The following HYI variants were observed in gnomAD, a reference collection of about 807,000 sequenced individuals.
HYI encodes hydroxypyruvate isomerase (putative).
In HYI, 47 loss-of-function variants were observed where a neutral mutation model predicts 39.7. The ratio of observed to expected loss-of-function variants is 1.18; its 90% CI spans 0.94 to 1.51. The LOEUF (loss-of-function observed/expected upper bound fraction) is 1.51, where lower values mean the gene tolerates loss of function less well. Ranked by LOEUF, HYI falls within the 40% of genes most tolerant of loss-of-function variation. The pLI is 0.00. For missense variants in HYI, 465 were observed against 370.3 expected, an observed-to-expected ratio of 1.26 and a Z score of -2.10; for synonymous variants, 186 against 158.8, an observed-to-expected ratio of 1.17 and a Z score of -1.29.
In HYI at chr1:43,453,834, AGGCGGCGGGCGGCG is replaced by A. The variant is rs534101178; in HGVS notation, c.-55_-42del. The A allele has an allele frequency of 4.1e-4, 485 of 1,194,608 alleles. No homozygotes were observed. The highest frequency in any genetic ancestry group is 1.7e-3 in the African/African-American group (107 of 62,034). The allele number at this position is 1,194,608 out of a possible 1,614,324, so 74.0% of individuals were successfully genotyped here. On this transcript the variant is annotated 5_prime_UTR_variant, in exon 1 of 8. Coordinates refer to ENST00000372430, the MANE Select transcript of HYI (RefSeq NM_001190880.3). ...GCCGGGCGGAGTCCGCGGGATCCAA[AGGCGGCGGGCGGCG>A]GGCGGCGGGCGGCGGGCGGGGGCGG...
At chr1:43,451,769 C>T (rs375073962) in intron 5 of HYI, 29 bp downstream of exon 5, 212 of 1,613,824 alleles carry the variant, frequency 1.3e-4, no homozygotes, top group Admixed American at 2.5e-4. Context: ...GCCCTCCTTC[C>T]GATCTGCGAA....
At chr1:43,453,301 G>C (rs1450315917) in intron 2 of HYI, 85 bp downstream of exon 2, 1 of 867,700 alleles carries the variant, frequency 1.2e-6, no homozygotes, top group African/African-American at 1.7e-5. Flanking sequence ...AGACTTCTGA[G>C]CGTCTCAGAT....
At position 43,452,270 on chromosome 1, in the gene HYI, C is replaced by G. The variant is rs1327850051; in HGVS notation, c.361G>C (p.Val121Leu). ...RVPQGADRIA[V>L]KAEMEAVFLE... ...AAAACGGCCTCCATCTCAGCCTTGA[C>G]TGCTATTCGATCAGCTCCCTGGGGT... The change falls in exon 3 of 8, where the codon GTC becomes CTC. Residue 121 changes from valine to leucine, a missense_variant. Coordinates refer to ENST00000372430, the MANE Select transcript of HYI (RefSeq NM_001190880.3). 1 of 1,614,008 alleles carries G rather than the reference C, an allele frequency of 6.2e-7. No individual in the cohort carries two copies. Among genetic ancestry groups the G allele is most frequent in the Non-Finnish European group, 8.5e-7 (1 of 1,180,008 alleles).
intron 2 of HYI, 82 bp downstream of exon 2, chr1:43,453,304 T>C: frequency 1.1e-6 from 1 of 893,090 alleles, no homozygotes. Flanking sequence ...CTTCTGAGCG[T>C]CTCAGATCTG....
intron 2 of HYI, 83 bp downstream of exon 2, chr1:43,453,303 G>A: frequency 1.1e-6 from 1 of 871,994 alleles, no homozygotes; most frequent in Non-Finnish European, 1.8e-6. Flanking sequence ...ACTTCTGAGC[G>A]TCTCAGATCT....
At chr1:43,450,750 T>C (rs1656294819), downstream of HYI, 2 of 697,126 alleles carry the variant, frequency 2.9e-6, no homozygotes, top group Non-Finnish European at 5.2e-6. This position sits in a 1 kb window ranked among gnomAD's most constrained non-coding sequence, Gnocchi z 4.3. Flanking sequence ...TCTGGGGTAC[T>C]CCTTTCGGCC....
In HYI at chr1:43,452,602, A is replaced by G. The variant is rs930329715; in HGVS notation, c.312-283T>C. The G allele has an allele frequency of 9.7e-5, 58 of 597,836 alleles. 1 individual carries two copies. In the South Asian group the frequency reaches 1.1e-3, roughly 12 times the overall value. 37.0% of individuals were successfully genotyped at this position (597,836 alleles called of 1,614,324 possible). A position where few individuals can be genotyped will look rare whatever the true frequency, so the allele number is the denominator to read the frequency against. ...CTTCTCCGCAACCTGTAACCTGCTA[A>G]ATTCTCACCTTTAAAAATTGTCCTG... is the stretch of plus-strand genomic sequence containing the variant. On this transcript the variant is annotated intron_variant, in intron 2 of 7. Coordinates refer to ENST00000372430, the MANE Select transcript of HYI (RefSeq NM_001190880.3).
chr1:43,451,709 G>A lies in HYI; in HGVS notation c.564C>T (p.Phe188=), dbSNP rs1374888289. 3 of 1,614,148 alleles carry A rather than the reference G, an allele frequency of 1.9e-6. No homozygotes were observed. Among genetic ancestry groups the A allele is most frequent in the African/African-American group, 1.3e-5 (1 of 75,040 alleles). The change falls in exon 6 of 8, where the codon TTC becomes TTT. Residue 188 remains phenylalanine, a synonymous_variant. Transcript: ENST00000372430. ...GGTTCCCATCCATGATCTGCCAGTG[G>A]AATATGTCCTAGGGAAGAGGATACT... is the stretch of plus-strand genomic sequence containing the variant. ...RPNLQLQMDI[F]HWQIMDGNLT... is the part of the protein sequence containing the mutation.
rs373445250 is a variant in HYI, at chr1:43,451,950, C to T, written c.490G>A (p.Asp164Asn). 12 of 1,612,010 alleles carry T rather than the reference C, an allele frequency of 7.4e-6. No individual in the cohort carries two copies. The African/African-American group carries it at 8.0e-5, about 11-fold the overall frequency. Residue 164 changes from aspartate to asparagine, a missense_variant, in exon 4 of 8, where the codon GAC (aspartate) becomes AAC (asparagine). By Grantham distance (23) the Asp-to-Asn change is conservative (BLOSUM62 1). Coordinates refer to ENST00000372430, the MANE Select transcript of HYI (RefSeq NM_001190880.3). ...TRITDPQYFL[D>N]TPQQAAAILQ... is the part of the protein sequence containing the mutation. ...GGGGTCGTACCCTGCTGGGGCGTGT[C>T]CAGGAAGTACTGGGGGTCAGTGATG... is the stretch of plus-strand genomic sequence containing the variant.
intron 2 of HYI, chr1:43,452,833 T>TC: frequency 6.7e-7 from 1 of 1,493,082 alleles, no homozygotes. Flanking sequence ...CCTCCCATCA[T>TC]CCCCTGATCT....
rs1339513001 is a variant in HYI, at chr1:43,451,790, C to A, written c.555+8G>T. ...CTTCCGATCTGCGAAGTACCCCCTT[C>A]CACTTACCATTTGTAATTGGAGGTT... On this transcript the variant is annotated splice_region_variant and intron_variant, in intron 5 of 7. Coordinates refer to ENST00000372430, the MANE Select transcript of HYI (RefSeq NM_001190880.3). 2.5e-6 allele frequency: 4 copies of A among 1,614,148 alleles called. No individual in the cohort carries two copies. The highest frequency in any genetic ancestry group is 2.5e-6 in the Non-Finnish European group (3 of 1,179,990).
downstream of HYI, chr1:43,450,719 C>T (rs1656291692): frequency 5.7e-6 from 4 of 705,664 alleles, no homozygotes; most frequent in Non-Finnish European, 1.0e-5. The surrounding 1 kb of genome is among the most constrained non-coding windows in gnomAD (Gnocchi z 4.3). Context: ...TCAGGTCAAC[C>T]CCGAGGACCC....
rs79439514 is a variant in HYI at position 43,451,427 on chromosome 1, C to G, written c.743G>C (p.Cys248Ser). Residue 248 changes from cysteine to serine, a missense_variant, in exon 7 of 8, where the codon TGT becomes TCT. Cys to Ser is a moderately radical substitution (Grantham distance 112, BLOSUM62 -1). Transcript: ENST00000372430. ...CGCCTCACCTCGAGGCTGATACTCACAGCCCACGAAGCCTTTGTAGCCTTC... is the reference window on the plus strand; with the variant it reads ...CGCCTCACCTCGAGGCTGATACTCAGAGCCCACGAAGCCTTTGTAGCCTTC... ...EDEGYKGFVG[C>S]EYQPRGDTVE... 4.6e-3 allele frequency: 7,435 copies of G among 1,613,346 alleles called. 316 individuals are homozygous for G. In the African/African-American group the frequency reaches 0.088, roughly 19 times the overall value.
chr1:43,450,805 C>G (rs1030892672), downstream of HYI: 3 of 708,266 alleles, frequency 4.2e-6, no homozygotes, highest in African/African-American at 3.4e-5. The surrounding 1 kb of genome is among the most constrained non-coding windows in gnomAD (Gnocchi z 4.3). Context: ...GCAAACACCC[C>G]CTAGAGCTCC....
In HYI at chr1:43,452,223, T is replaced by TG. The variant is rs1312174602; in HGVS notation, c.407dup (p.Ala137SerfsTer22). 6.2e-7 allele frequency: 1 copy of TG among 1,613,376 alleles called. No individual in the cohort carries two copies. Among genetic ancestry groups the TG allele is most frequent in the Non-Finnish European group, 8.5e-7 (1 of 1,179,658 alleles). On this transcript the variant is annotated frameshift_variant, in exon 3 of 8. Transcript: ENST00000372430. LOFTEE classifies it high-confidence loss of function. ...TTCTCACCTGAGCCAAAACCCCAGC[T>TG]GCATGCCTCAGGTTCTCCAGAAAAA...
chr1:43,452,180 A>G, intron 3 of HYI, 25 bp downstream of exon 3: 1 of 1,571,858 alleles, frequency 6.4e-7, no homozygotes, highest in Non-Finnish European at 8.7e-7. Flanking sequence ...ACATGTAAGT[A>G]CGTGTGTGTT....
chr1:43,452,943 C>T (rs757507960), intron 2 of HYI: 4 of 1,609,410 alleles, frequency 2.5e-6, no homozygotes, highest in Non-Finnish European at 3.4e-6. Flanking sequence ...ACCAGGCCTC[C>T]TCTTGCCACA....
At position 43,453,650 on chromosome 1, in the gene HYI, C is replaced by G. The variant is rs953203497; in HGVS notation, c.144G>C (p.Leu48=). ...GCCCCGCTTCTCGCGCGGCGCGCGCCAGCGCCTCAGGCGTCTCCGCGTACG... is the reference window on the plus strand; with the variant it reads ...GCCCCGCTTCTCGCGCGGCGCGCGCGAGCGCCTCAGGCGTCTCCGCGTACG... ...AWPYAETPEA[L]ARAAREAGLR... Residue 48 remains leucine, a synonymous_variant, in exon 1 of 8, where the codon CTG becomes CTC. Coordinates refer to ENST00000372430, the MANE Select transcript of HYI (RefSeq NM_001190880.3). 2 of 1,491,160 alleles carry G rather than the reference C, an allele frequency of 1.3e-6. No homozygotes were observed. The highest frequency in any genetic ancestry group is 1.8e-6 in the Non-Finnish European group (2 of 1,127,858). 92.4% of individuals were successfully genotyped at this position (1,491,160 alleles called of 1,614,324 possible).
chr1:43,453,300 AG>A lies in HYI; in HGVS notation c.311+85del, dbSNP rs1224225282. On this transcript the variant is annotated intron_variant, in intron 2 of 7. Coordinates refer to ENST00000372430, the MANE Select transcript of HYI (RefSeq NM_001190880.3). ...ATAAACCAGTGGGCTCAGACTTCTG[AG>A]CGTCTCAGATCTGGCGTCCTCGACT... is the stretch of plus-strand genomic sequence containing the variant. 5 of 849,482 alleles carry A rather than the reference AG, an allele frequency of 5.9e-6. No individual in the cohort carries two copies. The African/African-American group carries it at 9.1e-5, about 16-fold the overall frequency. 52.6% of individuals were successfully genotyped at this position (849,482 alleles called of 1,614,324 possible). A position where few individuals can be genotyped will look rare whatever the true frequency, so the allele number is the denominator to read the frequency against.
Sources: allele counts gnomAD v4.1 joint callset, GRCh38; gene constraint gnomAD v4.1.1; non-coding constraint Gnocchi (gnomAD v3.1); transcripts MANE v1.5; gene names NCBI Gene and HGNC (gene_info 2026-07-23, HGNC 2026-07-21).